NOX4: variants seen among roughly 807,000 people sequenced by gnomAD.
NOX4 encodes kidney oxidase-1.
Under a neutral mutation model 87.6 loss-of-function variants are expected in NOX4, and 69 were observed. The observed-to-expected ratio is 0.79, with a 90% confidence interval of 0.65 to 0.96. The LOEUF is 0.96. NOX4 is among the 40% of genes least tolerant of loss of function. The probability of loss-of-function intolerance (pLI) is 0.00; values close to 1 mark genes in which losing one functional copy is unlikely to be tolerated. For synonymous variants in NOX4, 275 were observed against 238.2 expected (o/e 1.15, Z -1.42); for missense variants, 680 against 681.5 (o/e 1.00, Z 0.02).
the NOX4 span, among the ~76,000 whole-genome samples, chr11:89,549,678 C>T: frequency 6.6e-6 from 1 of 152,124 alleles, no homozygotes; most frequent in African/African-American, 2.4e-5. Flanking sequence ...GTGTGATGTT[C>T]CCCTCCCTGT....
At chr11:89,427,908 A>T (rs1372430099) in intron 7 of NOX4, among the ~76,000 whole-genome samples, 2 of 152,176 alleles carry the variant, frequency 1.3e-5, no homozygotes, top group African/African-American at 4.8e-5. Context: ...ACTCAAAGAC[A>T]CATAATTGTC....
chr11:89,461,854 T>C (rs1945483767), intron 2 of NOX4, among the ~76,000 whole-genome samples: 1 of 152,042 alleles, frequency 6.6e-6, no homozygotes, highest in African/African-American at 2.4e-5. Flanking sequence ...ATGTTTGCGT[T>C]ACCCATCTGC....
chr11:89,333,655 A>G (rs1945572160), intron 17 of NOX4, among the ~76,000 whole-genome samples: 1 of 151,738 alleles, frequency 6.6e-6, no homozygotes, highest in African/African-American at 2.4e-5. Context: ...TGTCTTCCCT[A>G]CTGTTATCTC....
At chr11:89,568,366 C>T in the NOX4 span, among the ~76,000 whole-genome samples, 8 of 151,982 alleles carry the variant, frequency 5.3e-5, no homozygotes, top group African/African-American at 1.2e-4. Context: ...AACTGAAGAT[C>T]GAAATAAACA....
chr11:89,493,721 T>TTTTA (rs372046431), upstream of NOX4, among the ~76,000 whole-genome samples: 644 of 142,280 alleles, frequency 4.5e-3, 3 homozygotes, highest in African/African-American at 0.014. Flanking sequence ...GCCAGATTGT[T>TTTTA]TTATTATTAT....
chr11:89,476,910 G>C (rs1946191106), intron 2 of NOX4, among the ~76,000 whole-genome samples: 1 of 152,226 alleles, frequency 6.6e-6, no homozygotes, highest in Admixed American at 6.5e-5. Context: ...TTGTGAATTA[G>C]AAGATACATA....
Position 89,421,911 on chromosome 11 carries a change from T to C in NOX4, c.620A>G (p.His207Arg). ...FFVFYMLLTLHVSGGLLKYQT... is the reference protein window; with the variant it reads ...FFVFYMLLTLRVSGGLLKYQT... ...ACATTTGTAAACTTACCCTGAAACATGCAACGTCAGCAGCATGTAGAAGAC... is the reference window on the plus strand; with the variant it reads ...ACATTTGTAAACTTACCCTGAAACACGCAACGTCAGCAGCATGTAGAAGAC... The change falls in exon 8 of 18, where the codon CAT becomes CGT. Residue 207 changes from histidine (H) to arginine (R), a missense_variant. Coordinates refer to ENST00000263317, the MANE Select transcript of NOX4 (RefSeq NM_016931.5). 1 of 1,568,238 alleles carries C rather than the reference T, an allele frequency of 6.4e-7. No homozygotes were observed. The highest frequency in any genetic ancestry group is 8.6e-7 in the Non-Finnish European group (1 of 1,160,060).
At chr11:89,521,337 T>A in the NOX4 span, among the ~76,000 whole-genome samples, 368 of 152,034 alleles carry the variant, frequency 2.4e-3, 3 homozygotes, top group African/African-American at 8.4e-3. Flanking sequence ...AACAGACACA[T>A]AAACCACTGG....
In NOX4 at chr11:89,391,951, CTCCT is replaced by C. The variant is rs149624652; in HGVS notation, c.1074+8062_1074+8065del. 3.8e-3 allele frequency among the ~76,000 whole-genome samples: 566 copies of C among 147,126 alleles called. 2 individuals carry two copies. The highest frequency in any genetic ancestry group is 5.2e-3 in the African/African-American group (208 of 39,656). ...TCCCCTTCCCCTTCCCCTTCCCCTTCTCCTTCCTTCCTTCCTTCCTTCCTTCTTT... is the reference window on the plus strand; with the variant it reads ...TCCCCTTCCCCTTCCCCTTCCCCTTCTCCTTCCTTCCTTCCTTCCTTCTTT... On this transcript the variant is annotated intron_variant, in intron 11 of 17. Transcript: ENST00000263317.
chr11:89,456,767 C>A (rs1297750251), intron 2 of NOX4, among the ~76,000 whole-genome samples: 3 of 152,116 alleles, frequency 2.0e-5, no homozygotes, highest in Non-Finnish European at 4.4e-5. Context: ...AGGATTCCAG[C>A]CTGTGCAGAG....
intron 11 of NOX4, among the ~76,000 whole-genome samples, chr11:89,378,870 C>T (rs559401932): frequency 5.9e-5 from 9 of 152,158 alleles, no homozygotes; most frequent in East Asian, 3.9e-4. Context: ...CGCGGAGCAC[C>T]GAATCTCCCA....
At chr11:89,414,107 C>T (rs1175794700) in intron 8 of NOX4, among the ~76,000 whole-genome samples, 4 of 152,018 alleles carry the variant, frequency 2.6e-5, no homozygotes, top group Non-Finnish European at 5.9e-5. Context: ...CTATAAAAAA[C>T]TGATTTGTCT....
intron 8 of NOX4, among the ~76,000 whole-genome samples, chr11:89,411,926 C>T (rs1942501568): frequency 6.6e-6 from 1 of 152,108 alleles, no homozygotes; most frequent in African/African-American, 2.4e-5. Context: ...ACAAGAAACA[C>T]ACTTCACCTA....
At chr11:89,377,141 A>G (rs1411639035) in intron 11 of NOX4, among the ~76,000 whole-genome samples, 1 of 152,242 alleles carries the variant, frequency 6.6e-6, no homozygotes, top group African/African-American at 2.4e-5. Flanking sequence ...TTATATAATC[A>G]AATTTTAGGA....
the NOX4 span, among the ~76,000 whole-genome samples, chr11:89,524,197 G>A: frequency 6.6e-6 from 1 of 152,126 alleles, no homozygotes; most frequent in Non-Finnish European, 1.5e-5. Context: ...TTCTGAAAAT[G>A]TATTAACCTT....
At chr11:89,345,786 G>C (rs1946190836) in intron 13 of NOX4, among the ~76,000 whole-genome samples, 5 of 152,012 alleles carry the variant, frequency 3.3e-5, no homozygotes. Flanking sequence ...ACACATATAA[G>C]GAACATACCT....
chr11:89,575,706 A>ACCTT, the NOX4 span, among the ~76,000 whole-genome samples: 16 of 150,984 alleles, frequency 1.1e-4, no homozygotes, highest in African/African-American at 3.9e-4. Context: ...CTCCATTTCA[A>ACCTT]CCTTCCTTCC....
the NOX4 span, among the ~76,000 whole-genome samples, chr11:89,528,177 A>G: frequency 6.6e-6 from 1 of 152,028 alleles, no homozygotes; most frequent in South Asian, 2.1e-4. Flanking sequence ...GTTTTGGCCA[A>G]TTTCTTCCAT....
chr11:89,365,138 G>T (rs1416449718), intron 12 of NOX4, among the ~76,000 whole-genome samples: 1 of 151,904 alleles, frequency 6.6e-6, no homozygotes, highest in Non-Finnish European at 1.5e-5. Context: ...CTCAACATCT[G>T]GTACTTTTAA....
Sources: allele counts gnomAD v4.1 joint callset (sites outside exome capture counted in the v4.1 genomes callset), GRCh38; gene constraint gnomAD v4.1.1; transcripts MANE v1.5; gene names NCBI Gene and HGNC (gene_info 2026-07-23, HGNC 2026-07-21).